Variants in EMILIN2 observed in about 807,000 individuals in gnomAD.
EMILIN2 encodes elastin microfibril interfacer 2.
A neutral mutation model predicts 87.1 loss-of-function variants in EMILIN2; 71 were observed. The observed-to-expected ratio is 0.82, with a 90% CI of 0.67 to 0.99. The LOEUF is 0.99. EMILIN2 is among the 50% of genes least tolerant of loss of function. The pLI is 0.00. For missense variants in EMILIN2, 1,407 were observed against 1,371.8 expected (o/e 1.03, Z -0.40); for synonymous variants, 581 against 563.4 (o/e 1.03, Z -0.44).
intron 2 of EMILIN2, among the ~76,000 whole-genome samples, chr18:2,874,152 G>A (rs1387100588): frequency 1.3e-5 from 2 of 152,078 alleles, no homozygotes; most frequent in Middle Eastern, 3.4e-3. Context: ...CTCCATCACC[G>A]CTCCCGTTTA....
chr18:2,890,870 G>A lies in EMILIN2; in HGVS notation c.743G>A (p.Ser248Asn). The part of the protein sequence containing the change: ...TVSGDTETGQ[S>N]PGVFNTKESG... ...AGTGGAGACACAGAAACGGGCCAGA[G>A]TCCTGGTGTCTTCAACACTAAGGAA... Residue 248 changes from serine (S) to asparagine (N), a missense_variant, in exon 4 of 8, where the codon AGT becomes AAT. Physicochemically the swap from Ser to Asn is conservative, Grantham distance 46. Coordinates refer to ENST00000254528, the MANE Select transcript of EMILIN2 (RefSeq NM_032048.3). This position sits in a 1 kb window ranked among gnomAD's most constrained non-coding sequence, Gnocchi z 4.7. 1.2e-6 allele frequency: 2 copies of A among 1,613,888 alleles called. No individual in the cohort carries two copies. The highest frequency in any genetic ancestry group is 8.5e-7 in the Non-Finnish European group (1 of 1,180,036).
intron 2 of EMILIN2, among the ~76,000 whole-genome samples, chr18:2,856,631 C>G (rs549771955): frequency 3.9e-5 from 6 of 152,304 alleles, no homozygotes; most frequent in Non-Finnish European, 7.3e-5. Context: ...CTTTAAAAAT[C>G]AAAAGCGGGG....
chr18:2,913,649 G>GTTTTTAAT lies in EMILIN2; in HGVS notation c.*245_*246insTTTTTAAT. 1 of 482,476 alleles carries GTTTTTAAT rather than the reference G, an allele frequency of 2.1e-6. No homozygotes were observed. The highest frequency in any genetic ancestry group is 3.7e-6 in the Non-Finnish European group (1 of 272,208). The allele number at this position is 482,476 out of a possible 1,614,324, so 29.9% of individuals were successfully genotyped here. On this transcript the variant is annotated 3_prime_UTR_variant, in exon 8 of 8. Transcript: ENST00000254528. ...CTCTAACTGGACAACTGGAAGACTT[G>GTTTTTAAT]GAAAGGCCTCCACCTGTATCTACAC...
intron 2 of EMILIN2, among the ~76,000 whole-genome samples, chr18:2,850,093 ATTTTTTT>A (rs71366611): frequency 1.1e-4 from 13 of 122,540 alleles, no homozygotes; most frequent in South Asian, 8.0e-4. Context: ...TGCCCAGCTA[ATTTTTTT>A]TTTTTTTTTT....
At chr18:2,869,201 C>T (rs570308753) in intron 2 of EMILIN2, among the ~76,000 whole-genome samples, 7 of 151,762 alleles carry the variant, frequency 4.6e-5, no homozygotes, top group Non-Finnish European at 7.4e-5. Context: ...ATTGCATAGT[C>T]AAGAAAAGAC....
Position 2,848,427 on chromosome 18 carries a change from A to T in EMILIN2, c.257+496A>T, listed in dbSNP as rs907670306. ...AAAACGGAATCTTCCAGTTTTGTAG[A>T]TGTCTAAGCTAAAACCTCAGGAACA... On this transcript the variant is annotated intron_variant, in intron 2 of 7. Transcript: ENST00000254528. This position sits in a 1 kb window ranked among gnomAD's most constrained non-coding sequence, Gnocchi z 4.1. Among the ~76,000 whole-genome samples, 2 of 152,148 alleles carry T rather than the reference A, an allele frequency of 1.3e-5. No homozygotes were observed. The highest frequency in any genetic ancestry group is 4.8e-5 in the African/African-American group (2 of 41,424).
At chr18:2,854,816 C>T (rs1297775483) in intron 2 of EMILIN2, among the ~76,000 whole-genome samples, 1 of 152,112 alleles carries the variant, frequency 6.6e-6, no homozygotes, top group Non-Finnish European at 1.5e-5. Flanking sequence ...CAGAACAGAA[C>T]ATGTAAGGCT....
At chr18:2,881,456 A>AGGAGCTGG (rs1459179962) in intron 2 of EMILIN2, among the ~76,000 whole-genome samples, 1 of 152,240 alleles carries the variant, frequency 6.6e-6, no homozygotes, top group Non-Finnish European at 1.5e-5. Flanking sequence ...TTCCTACATT[A>AGGAGCTGG]GGAGCTGGGG....
intron 2 of EMILIN2, among the ~76,000 whole-genome samples, chr18:2,865,554 T>C (rs1371205289): frequency 6.6e-6 from 1 of 152,200 alleles, no homozygotes; most frequent in Non-Finnish European, 1.5e-5. Context: ...TGTTGCTGGC[T>C]GATCGTTCCT....
rs116072403 is a variant in EMILIN2 at position 2,848,731 on chromosome 18, A to G, written c.257+800A>G. On this transcript the variant is annotated intron_variant, in intron 2 of 7. Coordinates refer to ENST00000254528, the MANE Select transcript of EMILIN2 (RefSeq NM_032048.3). This position sits in a 1 kb window ranked among gnomAD's most constrained non-coding sequence, Gnocchi z 4.1. ...CCGGAAGATGGGCCAGTGTGAATAAATGGCTGTTGAGGAACACATGTGATG... is the reference window on the plus strand; with the variant it reads ...CCGGAAGATGGGCCAGTGTGAATAAGTGGCTGTTGAGGAACACATGTGATG... Among the ~76,000 whole-genome samples the G allele has an allele frequency of 1.5e-3, 236 of 152,314 alleles. 1 individual carries two copies. Among genetic ancestry groups the G allele is most frequent in the African/African-American group, 5.4e-3 (223 of 41,582 alleles).
At chr18:2,855,508 G>A (rs145517860) in intron 2 of EMILIN2, among the ~76,000 whole-genome samples, 252 of 152,310 alleles carry the variant, frequency 1.7e-3, no homozygotes, top group African/African-American at 5.4e-3. Flanking sequence ...ATTAAGCTCC[G>A]TAACTGGTCT....
chr18:2,868,348 C>T (rs2076700282), intron 2 of EMILIN2, among the ~76,000 whole-genome samples: 1 of 152,190 alleles, frequency 6.6e-6, no homozygotes, highest in Non-Finnish European at 1.5e-5. Context: ...CCTCACATCC[C>T]AGACGATGGG....
At chr18:2,879,864 C>T (rs542431668) in intron 2 of EMILIN2, among the ~76,000 whole-genome samples, 2 of 152,050 alleles carry the variant, frequency 1.3e-5, no homozygotes, top group East Asian at 1.9e-4. Context: ...CATCACCATG[C>T]GTGGCTAACT....
At chr18:2,882,670 G>A (rs761760859) in intron 2 of EMILIN2, among the ~76,000 whole-genome samples, 1 of 152,112 alleles carries the variant, frequency 6.6e-6, no homozygotes, top group Non-Finnish European at 1.5e-5. Flanking sequence ...ATCACCTGAG[G>A]TCAGGAGTTC....
At chr18:2,897,119 G>A (rs1480730301) in intron 4 of EMILIN2, among the ~76,000 whole-genome samples, 2 of 152,228 alleles carry the variant, frequency 1.3e-5, no homozygotes, top group Admixed American at 1.3e-4. Flanking sequence ...CATCAGCAAT[G>A]AGGTCAAAGC....
chr18:2,904,655 A>G (rs76361013), intron 4 of EMILIN2, among the ~76,000 whole-genome samples: 157 of 152,170 alleles, frequency 1.0e-3, no homozygotes, highest in African/African-American at 3.5e-3. Context: ...AGTATCTTCT[A>G]CTTCTCTGAG....
chr18:2,910,224 A>G (rs2076934363), intron 7 of EMILIN2, among the ~76,000 whole-genome samples: 2 of 152,174 alleles, frequency 1.3e-5, no homozygotes, highest in African/African-American at 4.8e-5. Flanking sequence ...GGGCCAGGAC[A>G]AGCGGGAGGC....
intron 2 of EMILIN2, among the ~76,000 whole-genome samples, chr18:2,873,662 G>A (rs986773520): frequency 3.9e-5 from 6 of 151,986 alleles, no homozygotes; most frequent in East Asian, 1.9e-4. Context: ...AGCCAAGATC[G>A]CGTCACTGCA....
intron 2 of EMILIN2, among the ~76,000 whole-genome samples, chr18:2,875,769 T>A (rs547259917): frequency 6.6e-6 from 1 of 152,282 alleles, no homozygotes; most frequent in East Asian, 1.9e-4. Flanking sequence ...TCCTAGCAAA[T>A]CTAAGAATAA....
Sources: gnomAD v4.1 joint callset for allele counts (sites outside exome capture counted in the v4.1 genomes callset) on GRCh38, gnomAD v4.1.1 for gene constraint, Gnocchi (gnomAD v3.1) non-coding constraint, MANE v1.5 for transcripts, NCBI Gene and HGNC (gene_info 2026-07-23, HGNC 2026-07-21) for gene names.